The following MYCBP2 variants were observed in gnomAD, a reference collection of about 807,000 sequenced individuals.
MYCBP2 encodes the protein MYC binding protein 2, also known as E3 ubiquitin-protein ligase MYCBP2.
MYCBP2 carries 120 observed loss-of-function variants against 525.3 expected under a neutral mutation model. The ratio of observed to expected loss-of-function variants is 0.23; its 90% CI spans 0.20 to 0.27. MYCBP2 has a LOEUF of 0.27. Among genes scored for constraint, MYCBP2 ranks in the 10% least tolerant of loss-of-function variants. The pLI is 1.00. For synonymous variants in MYCBP2, 1,894 were observed against 1,955.8 expected, an observed-to-expected ratio of 0.97 and a Z score of 0.83; for missense variants, 4,149 against 5,657.1, an observed-to-expected ratio of 0.73 and a Z score of 8.55.
intron 55 of MYCBP2, among the ~76,000 whole-genome samples, chr13:77,108,477 T>A (rs1473787412): frequency 6.6e-6 from 1 of 152,172 alleles, no homozygotes; most frequent in African/African-American, 2.4e-5. Context: ...AGGTTGGATA[T>A]GCTTTTAAAA....
At position 77,185,489 on chromosome 13, in the gene MYCBP2, T is replaced by C; in HGVS notation, c.4445-112A>G. On this transcript the variant is annotated intron_variant, in intron 31 of 82. Coordinates refer to ENST00000544440, the MANE Select transcript of MYCBP2 (RefSeq NM_015057.5). ...CAGCTAAGTATCACAAGTACTAATA[T>C]CTTAGAAATGAAACAACTTAGAGAT... 2.6e-6 allele frequency: 3 copies of C among 1,141,574 alleles called. No individual in the cohort carries two copies. In the East Asian group the frequency reaches 7.2e-5, roughly 27 times the overall value. The allele number at this position is 1,141,574 out of a possible 1,614,324, so 70.7% of individuals were successfully genotyped here.
Position 77,181,745 on chromosome 13 carries a change from G to T in MYCBP2, c.4897C>A (p.His1633Asn). Residue 1633 changes from histidine (H) to asparagine (N), a missense_variant, in exon 33 of 83, where the codon CAT becomes AAT. Transcript: ENST00000544440. ...VSTENDSTLVHRFPLLVAHME... is the reference protein window; with the variant it reads ...VSTENDSTLVNRFPLLVAHME... ...TGTGCCACCAAAAGGGGAAAACGAT[G>T]AACTAGTGTTGAGTCGTTCTCTGTA... The T allele has an allele frequency of 6.2e-7, 1 of 1,614,054 alleles. No individual in the cohort carries two copies. Among genetic ancestry groups the T allele is most frequent in the South Asian group, 1.1e-5 (1 of 91,066 alleles).
At chr13:77,166,798 T>G (rs2058569446) in intron 40 of MYCBP2, among the ~76,000 whole-genome samples, 1 of 152,066 alleles carries the variant, frequency 6.6e-6, no homozygotes, top group Non-Finnish European at 1.5e-5. Context: ...TGTAAAGAAT[T>G]ATAAAACAAA....
At chr13:77,286,252 T>C (rs1419201370) in intron 3 of MYCBP2, among the ~76,000 whole-genome samples, 2 of 152,192 alleles carry the variant, frequency 1.3e-5, no homozygotes, top group East Asian at 3.8e-4. Context: ...CTTGTGGATA[T>C]GTATAAGCTT....
chr13:77,095,730 A>G, intron 57 of MYCBP2, 128 bp from the exon 58 acceptor site: 1 of 1,177,226 alleles, frequency 8.5e-7, no homozygotes, highest in Non-Finnish European at 1.2e-6. Context: ...AGATAATAAG[A>G]TTATAAAAAA....
At chr13:77,198,345 A>C (rs998982573) in intron 26 of MYCBP2, among the ~76,000 whole-genome samples, 8 of 152,234 alleles carry the variant, frequency 5.3e-5, no homozygotes, top group African/African-American at 1.7e-4. Flanking sequence ...AAATAAGCAA[A>C]TATTTCTTTA....
At chr13:77,187,895 A>AC (rs1436589095) in intron 30 of MYCBP2, among the ~76,000 whole-genome samples, 1 of 151,664 alleles carries the variant, frequency 6.6e-6, no homozygotes, top group East Asian at 1.9e-4. Context: ...ACATGGTGAA[A>AC]CCCCCTCTCT....
At chr13:77,211,405 T>C (rs1335094423) in intron 22 of MYCBP2, 85 bp from the exon 23 acceptor site, 94 of 667,426 alleles carry the variant, frequency 1.4e-4, no homozygotes, top group Admixed American at 4.7e-5. Context: ...ATTATCTCCA[T>C]TTCTCAGGTG....
chr13:77,162,044 T>TA (rs1299149892), intron 43 of MYCBP2, 89 bp from the exon 44 acceptor site: 7 of 881,860 alleles, frequency 7.9e-6, no homozygotes, highest in South Asian at 1.7e-5. Flanking sequence ...ACACTTTTTT[T>TA]AAAAAAATAA....
rs2082293196 is a variant in MYCBP2, at chr13:77,326,277, ACACACAC to A, written c.302+190_302+196del. 6.7e-6 allele frequency among the ~76,000 whole-genome samples: 1 copy of A among 149,804 alleles called. No individual in the cohort carries two copies. Among genetic ancestry groups the A allele is most frequent in the East Asian group, 1.9e-4 (1 of 5,136 alleles). Reference sequence around the variant, plus strand: ...CACACACACACACACACACACACACACACACACGAGAAACTGCAGCCACCGCACCCTC... The same window carrying A: ...CACACACACACACACACACACACACAGAGAAACTGCAGCCACCGCACCCTC... On this transcript the variant is annotated intron_variant, in intron 1 of 82. Transcript: ENST00000544440. The surrounding 1 kb of genome is among the most constrained non-coding windows in gnomAD (Gnocchi z 4.2).
intron 82 of MYCBP2, among the ~76,000 whole-genome samples, chr13:77,047,558 C>A (rs1320509742): frequency 6.6e-6 from 1 of 152,116 alleles, no homozygotes; most frequent in African/African-American, 2.4e-5. Context: ...CCCAGGTCCA[C>A]AGGTCAGTGC....
chr13:77,171,303 C>A (rs957049171), intron 38 of MYCBP2, among the ~76,000 whole-genome samples, 189 bp downstream of exon 38: 1 of 152,190 alleles, frequency 6.6e-6, no homozygotes, highest in African/African-American at 2.4e-5. Flanking sequence ...TCCTTTTGAG[C>A]ATTCTAAATA....
chr13:77,277,296 G>A (rs913993425), intron 4 of MYCBP2, among the ~76,000 whole-genome samples: 2 of 152,156 alleles, frequency 1.3e-5, no homozygotes, highest in Admixed American at 6.5e-5. Flanking sequence ...GTCAAGCCAA[G>A]CAGCACTTCA....
intron 33 of MYCBP2, 51 bp from the exon 34 acceptor site, chr13:77,180,369 G>A: frequency 3.4e-6 from 5 of 1,487,158 alleles, no homozygotes; most frequent in Non-Finnish European, 3.7e-6. Context: ...TTCCTTCATA[G>A]GAGTACTCAA....
At chr13:77,128,694 C>A (rs1737279412) in intron 52 of MYCBP2, among the ~76,000 whole-genome samples, 1 of 151,836 alleles carries the variant, frequency 6.6e-6, no homozygotes, top group African/African-American at 2.4e-5. Flanking sequence ...TAGTAAAATA[C>A]ATGCTTTATT....
At chr13:77,301,377 C>G (rs9544454) in intron 1 of MYCBP2, among the ~76,000 whole-genome samples, 5 of 142,186 alleles carry the variant, frequency 3.5e-5, no homozygotes, top group Non-Finnish European at 7.5e-5. Flanking sequence ...GAGCCAAGAT[C>G]GCGCCACTGC....
chr13:77,095,310 C>A (rs771725231), intron 58 of MYCBP2, 48 bp downstream of exon 58: 3 of 1,599,920 alleles, frequency 1.9e-6, no homozygotes, highest in Middle Eastern at 3.3e-4. Context: ...AATAAACAAT[C>A]GCTGTTAATC....
chr13:77,095,231 C>T (rs1237986995), intron 58 of MYCBP2, 127 bp downstream of exon 58: 3 of 1,154,144 alleles, frequency 2.6e-6, no homozygotes, highest in South Asian at 3.2e-5. Context: ...AAATAAATGC[C>T]TGGAAGTTTG....
intron 49 of MYCBP2, among the ~76,000 whole-genome samples, chr13:77,141,920 C>G (rs995552824): frequency 2.0e-5 from 3 of 151,882 alleles, no homozygotes; most frequent in African/African-American, 7.3e-5. Context: ...TTGATGGCAT[C>G]GGAGAAAACT....
Sources: gnomAD v4.1 joint callset for allele counts (sites outside exome capture counted in the v4.1 genomes callset) on GRCh38, gnomAD v4.1.1 for gene constraint, Gnocchi (gnomAD v3.1) non-coding constraint, MANE v1.5 for transcripts, NCBI Gene and HGNC (gene_info 2026-07-23, HGNC 2026-07-21) for gene names.